NBAS: variants seen among roughly 807,000 people sequenced by gnomAD.
The protein encoded by NBAS is NAG/BC035112 fusion.
Under a neutral mutation model 302.5 loss-of-function variants are expected in NBAS, and 219 were observed. The observed-to-expected ratio is 0.72, with a 90% CI of 0.65 to 0.81. NBAS has a LOEUF of 0.81. Ranked by LOEUF, NBAS falls within the 30% of genes least tolerant of loss-of-function variation. The pLI, the probability that NBAS is intolerant of heterozygous loss-of-function variation, is 0.00. For synonymous variants in NBAS, 1,118 were observed against 1,021.6 expected (o/e 1.09, Z -1.80); for missense variants, 2,932 against 2,841.6 (o/e 1.03, Z -0.72).
chr2:15,167,087 G>A lies in NBAS; in HGVS notation c.7077C>T (p.Thr2359=). Residue 2359 remains threonine, a synonymous_variant, in exon 52 of 52, where the codon ACC becomes ACT. Transcript: ENST00000281513. ...GTGCTGCGCGGAGGGCTGTACTGAA[G>A]GTTCTGAAGGCCTGGTGAGTCCCCC... ...AVRGTHQAFR[T]FSTALRAAQH... 6.2e-7 allele frequency: 1 copy of A among 1,610,638 alleles called. No individual in the cohort carries two copies. The highest frequency in any genetic ancestry group is 1.1e-5 in the South Asian group (1 of 90,598).
chr2:15,311,030 T>TC (rs1671251377), intron 38 of NBAS, among the ~76,000 whole-genome samples: 1 of 152,168 alleles, frequency 6.6e-6, no homozygotes, highest in Non-Finnish European at 1.5e-5. Context: ...AAAGCTCAGG[T>TC]CCCCAACTGA....
the NBAS span, among the ~76,000 whole-genome samples, chr2:14,810,740 C>T: frequency 6.6e-6 from 1 of 152,138 alleles, no homozygotes; most frequent in South Asian, 2.1e-4. Context: ...ACATTAATTC[C>T]TCTAAAGCCC....
intron 32 of NBAS, among the ~76,000 whole-genome samples, chr2:15,360,738 G>T (rs964421687): frequency 6.7e-6 from 1 of 149,708 alleles, no homozygotes; most frequent in Admixed American, 6.7e-5. Context: ...CCAAACACTG[G>T]GTCAGGACAT....
the NBAS span, among the ~76,000 whole-genome samples, chr2:15,110,663 C>CA: frequency 6.6e-6 from 1 of 152,156 alleles, no homozygotes; most frequent in Middle Eastern, 3.4e-3. Context: ...TTGGAGGGTA[C>CA]TTCTCTGGGG....
At chr2:15,442,564 T>C (rs1437542182) in intron 21 of NBAS, among the ~76,000 whole-genome samples, 1 of 152,020 alleles carries the variant, frequency 6.6e-6, no homozygotes, top group Non-Finnish European at 1.5e-5. Flanking sequence ...AGATCCCAAA[T>C]TGACACCTTA....
chr2:14,969,854 G>A, the NBAS span, among the ~76,000 whole-genome samples: 1 of 152,090 alleles, frequency 6.6e-6, no homozygotes, highest in Non-Finnish European at 1.5e-5. Flanking sequence ...TGGTGGGGGG[G>A]ATGGGAAGTC....
intron 21 of NBAS, among the ~76,000 whole-genome samples, chr2:15,430,189 A>G (rs1011738112): frequency 1.2e-4 from 19 of 152,320 alleles, no homozygotes; most frequent in Admixed American, 2.0e-4. Context: ...GCAAAATAAT[A>G]CTTATTTGGT....
At chr2:14,815,526 T>C in the NBAS span, among the ~76,000 whole-genome samples, 1 of 152,216 alleles carries the variant, frequency 6.6e-6, no homozygotes, top group Non-Finnish European at 1.5e-5. Flanking sequence ...GACTTATAAT[T>C]TCAAATAGAG....
chr2:14,892,526 A>G, the NBAS span, among the ~76,000 whole-genome samples: 2 of 152,310 alleles, frequency 1.3e-5, no homozygotes, highest in Admixed American at 6.5e-5. Context: ...CTTCTATGCA[A>G]TGATGTGTTT....
intron 44 of NBAS, among the ~76,000 whole-genome samples, chr2:15,257,821 T>C (rs1668671323): frequency 1.3e-5 from 2 of 152,234 alleles, no homozygotes; most frequent in African/African-American, 4.8e-5. Flanking sequence ...GAATCTGCTA[T>C]GGCAAAACTT....
At chr2:15,060,338 C>G in the NBAS span, among the ~76,000 whole-genome samples, 1 of 152,190 alleles carries the variant, frequency 6.6e-6, no homozygotes, top group Admixed American at 6.5e-5. Flanking sequence ...GGACCACCAC[C>G]TGTGCATAAG....
intron 21 of NBAS, among the ~76,000 whole-genome samples, chr2:15,454,028 C>T (rs1033726718): frequency 7.9e-5 from 12 of 152,258 alleles, no homozygotes; most frequent in South Asian, 2.1e-4. Context: ...GCGCCCGCCT[C>T]GGCCTCCCAA....
chr2:15,446,175 T>C (rs996285301), intron 21 of NBAS, among the ~76,000 whole-genome samples: 1 of 151,770 alleles, frequency 6.6e-6, no homozygotes, highest in Non-Finnish European at 1.5e-5. Flanking sequence ...CTAAATTTGG[T>C]GAAACTCTGA....
chr2:15,481,175 T>C (rs946055062), intron 12 of NBAS, among the ~76,000 whole-genome samples: 2 of 152,240 alleles, frequency 1.3e-5, no homozygotes, highest in Non-Finnish European at 2.9e-5. Context: ...TTTTTGTGGA[T>C]GAGTCATATT....
chr2:15,051,457 A>G, the NBAS span, among the ~76,000 whole-genome samples: 1 of 152,190 alleles, frequency 6.6e-6, no homozygotes, highest in Non-Finnish European at 1.5e-5. Context: ...CTGTTTGTAC[A>G]TTCCAGCTCT....
At chr2:15,264,806 T>C (rs1669002853) in intron 44 of NBAS, among the ~76,000 whole-genome samples, 1 of 152,180 alleles carries the variant, frequency 6.6e-6, no homozygotes, top group Admixed American at 6.5e-5. Context: ...CCTCCTCTTA[T>C]ATAATAGCAT....
the NBAS span, among the ~76,000 whole-genome samples, chr2:14,967,029 A>C: frequency 5.3e-5 from 8 of 152,232 alleles, no homozygotes; most frequent in African/African-American, 1.7e-4. Context: ...AACAATTAGA[A>C]ATTTAAAATA....
the NBAS span, among the ~76,000 whole-genome samples, chr2:15,097,674 A>G: frequency 6.6e-6 from 1 of 151,280 alleles, no homozygotes; most frequent in African/African-American, 2.4e-5. Context: ...TTTTATGAGG[A>G]CACTAATCCC....
chr2:15,557,773 C>T (rs191814554), intron 2 of NBAS, among the ~76,000 whole-genome samples: 6 of 152,182 alleles, frequency 3.9e-5, no homozygotes, highest in Admixed American at 3.3e-4. Context: ...AAAGGAGTAA[C>T]GGCACCTTTC....
Sources: allele counts gnomAD v4.1 joint callset (sites outside exome capture counted in the v4.1 genomes callset), GRCh38; gene constraint gnomAD v4.1.1; transcripts MANE v1.5; gene names NCBI Gene and HGNC (gene_info 2026-07-23, HGNC 2026-07-21).